The following MAGI2 variants were observed in gnomAD, a reference collection of about 807,000 sequenced individuals.
MAGI2 encodes membrane-associated guanylate kinase, WW and PDZ domain-containing protein 2.
Under a neutral mutation model 133.3 loss-of-function variants are expected in MAGI2, and 35 were observed. The observed-to-expected ratio is 0.26, with a 90% CI of 0.20 to 0.35. The LOEUF is 0.35. Among genes scored for constraint, MAGI2 ranks in the 10% least tolerant of loss-of-function variants. The pLI is 1.00. For synonymous variants in MAGI2, 729 were observed against 710.6 expected, an observed-to-expected ratio of 1.03 and a Z score of -0.41; for missense variants, 1,636 against 1,863.4, an observed-to-expected ratio of 0.88 and a Z score of 2.25.
rs1196717975 is a variant in MAGI2, at chr7:78,227,724, T to A, written c.2048-26531A>T. 6.6e-5 allele frequency among the ~76,000 whole-genome samples: 10 copies of A among 152,264 alleles called. No homozygotes were observed. In the East Asian group the frequency reaches 1.7e-3, roughly 26 times the overall value. ...CATGAGTGAAATAGAAAAATATAAT[T>A]TCCCCCCTTCTTGTTGTGCAGAAAG... On this transcript the variant is annotated intron_variant, in intron 10 of 21. Coordinates refer to ENST00000354212, the MANE Select transcript of MAGI2 (RefSeq NM_012301.4).
chr7:79,399,095 C>CTTTTTTTT (rs767332496), intron 1 of MAGI2, among the ~76,000 whole-genome samples: 1,722 of 105,980 alleles, frequency 0.016, 143 homozygotes, highest in African/African-American at 0.066. Context: ...TTTTTCTTTT[C>CTTTTTTTT]TTTTTTTTTT....
chr7:79,425,852 CCT>C (rs1847335655), intron 1 of MAGI2, among the ~76,000 whole-genome samples: 1 of 151,968 alleles, frequency 6.6e-6, no homozygotes, highest in Admixed American at 6.6e-5. Flanking sequence ...TGACTATTTG[CCT>C]CTCTGCACTA....
At chr7:78,250,845 T>G (rs1792310709) in intron 10 of MAGI2, among the ~76,000 whole-genome samples, 1 of 152,054 alleles carries the variant, frequency 6.6e-6, no homozygotes, top group Non-Finnish European at 1.5e-5. Context: ...CACAAACTGT[T>G]TCAGAAGTTA....
intron 2 of MAGI2, among the ~76,000 whole-genome samples, chr7:78,923,059 ATTTG>A (rs1218604056): frequency 6.6e-6 from 1 of 151,936 alleles, no homozygotes; most frequent in Non-Finnish European, 1.5e-5. Flanking sequence ...TTTCTTGTAA[ATTTG>A]TTTGAGTTCA....
At chr7:78,762,192 C>T (rs1824579739) in intron 2 of MAGI2, among the ~76,000 whole-genome samples, 1 of 93,324 alleles carries the variant, frequency 1.1e-5, no homozygotes, top group African/African-American at 4.1e-5. Context: ...ACCTGTAATC[C>T]CAGCACTTTG....
chr7:79,174,167 T>G (rs1175084251), intron 1 of MAGI2, among the ~76,000 whole-genome samples: 3 of 152,112 alleles, frequency 2.0e-5, no homozygotes, highest in Non-Finnish European at 4.4e-5. Context: ...TTTTTTCTCT[T>G]ACTGTGGGTT....
intron 2 of MAGI2, among the ~76,000 whole-genome samples, chr7:78,930,242 C>T (rs1476601982): frequency 6.6e-6 from 1 of 152,054 alleles, no homozygotes; most frequent in African/African-American, 2.4e-5. Context: ...TTTTGATTTT[C>T]TAGAAACTTA....
intron 3 of MAGI2, among the ~76,000 whole-genome samples, chr7:78,530,775 A>G (rs1437985500): frequency 2.0e-5 from 3 of 151,922 alleles, no homozygotes; most frequent in Non-Finnish European, 4.4e-5. Flanking sequence ...CCCATTTCCA[A>G]TTTCCTTTCA....
intron 10 of MAGI2, among the ~76,000 whole-genome samples, chr7:78,247,823 A>T (rs576191066): frequency 6.6e-6 from 1 of 152,216 alleles, no homozygotes; most frequent in African/African-American, 2.4e-5. Context: ...GTCCTGGGAT[A>T]CCATTAAATG....
chr7:79,440,236 G>A (rs1225147435), intron 1 of MAGI2, among the ~76,000 whole-genome samples: 1 of 151,408 alleles, frequency 6.6e-6, no homozygotes, highest in African/African-American at 2.4e-5. Context: ...TCTAGCCTTG[G>A]AATTAGAACA....
At chr7:78,518,820 C>T (rs1322718078) in intron 4 of MAGI2, 1 of 152,152 alleles carries the variant, frequency 6.6e-6, no homozygotes, top group African/African-American at 2.4e-5. Flanking sequence ...GCAACCTTGA[C>T]CTCCTCGGGC....
At chr7:78,923,853 A>G (rs1799463514) in intron 2 of MAGI2, among the ~76,000 whole-genome samples, 2 of 152,050 alleles carry the variant, frequency 1.3e-5, no homozygotes, top group Admixed American at 6.6e-5. Context: ...ATTTGTTTGT[A>G]TCCTCTTTTA....
intron 16 of MAGI2, among the ~76,000 whole-genome samples, chr7:78,144,695 G>A (rs1014623138): frequency 1.3e-5 from 2 of 152,142 alleles, no homozygotes; most frequent in East Asian, 1.9e-4. Context: ...CAGTGCCATC[G>A]TGGGGATTGT....
intron 6 of MAGI2, among the ~76,000 whole-genome samples, chr7:78,387,968 AT>A (rs1366163382): frequency 2.3e-4 from 26 of 113,776 alleles, no homozygotes; most frequent in South Asian, 1.1e-3. Context: ...AAATAAATAA[AT>A]AAATAAAATA....
intron 2 of MAGI2, among the ~76,000 whole-genome samples, chr7:78,970,324 TA>T (rs1232145968): frequency 3.3e-5 from 5 of 152,086 alleles, no homozygotes; most frequent in Non-Finnish European, 5.9e-5. Context: ...CCAGCCCCTT[TA>T]AGAGATATTT....
chr7:78,564,296 C>T (rs554861593), intron 3 of MAGI2, among the ~76,000 whole-genome samples: 1 of 152,234 alleles, frequency 6.6e-6, no homozygotes, highest in South Asian at 2.1e-4. Flanking sequence ...TAATCTGTCA[C>T]CTTGGATCAA....
intron 1 of MAGI2, among the ~76,000 whole-genome samples, chr7:79,361,625 C>T (rs1842382257): frequency 6.6e-6 from 1 of 152,146 alleles, no homozygotes; most frequent in Non-Finnish European, 1.5e-5. Flanking sequence ...TATCCAACAA[C>T]AGCAGAATCT....
chr7:79,084,653 T>C (rs1473276546), intron 1 of MAGI2, among the ~76,000 whole-genome samples: 1 of 151,792 alleles, frequency 6.6e-6, no homozygotes, highest in Admixed American at 6.6e-5. Flanking sequence ...CTGTTAGGTT[T>C]ATTTGATTTA....
At chr7:78,316,270 T>C (rs924335644) in intron 9 of MAGI2, among the ~76,000 whole-genome samples, 4 of 152,216 alleles carry the variant, frequency 2.6e-5, no homozygotes, top group Admixed American at 1.3e-4. Flanking sequence ...TTTAGCCCAG[T>C]AATAAAACTG....
Sources: allele counts gnomAD v4.1 joint callset (sites outside exome capture counted in the v4.1 genomes callset), GRCh38; gene constraint gnomAD v4.1.1; transcripts MANE v1.5; gene names NCBI Gene and HGNC (gene_info 2026-07-23, HGNC 2026-07-21).